GRID2: variants seen among roughly 807,000 people sequenced by gnomAD.
GRID2 encodes the protein glutamate ionotropic receptor delta type subunit 2.
A neutral mutation model predicts 114.8 loss-of-function variants in GRID2; 33 were observed. That is an observed-to-expected ratio of 0.29 (90% CI 0.22 to 0.38). The LOEUF is 0.38. Ranked by LOEUF, GRID2 falls within the 10% of genes least tolerant of loss-of-function variation. The probability of loss-of-function intolerance (pLI) is 1.00; values close to 1 mark genes in which losing one functional copy is unlikely to be tolerated. For synonymous variants in GRID2, 505 were observed against 449.9 expected (o/e 1.12, Z -1.55); for missense variants, 1,184 against 1,257.7 (o/e 0.94, Z 0.89).
intron 12 of GRID2, among the ~76,000 whole-genome samples, chr4:93,504,893 G>A (rs1427354813): frequency 6.6e-6 from 1 of 152,088 alleles, no homozygotes; most frequent in Non-Finnish European, 1.5e-5. Flanking sequence ...ATTTGACAAA[G>A]AGAAGGCTAA....
intron 2 of GRID2, among the ~76,000 whole-genome samples, chr4:92,789,437 T>C (rs1419731437): frequency 2.0e-5 from 3 of 151,888 alleles, no homozygotes; most frequent in East Asian, 3.9e-4. Flanking sequence ...TGGACACACG[T>C]TAGATTATCT....
chr4:93,578,527 C>T (rs988011828), intron 13 of GRID2, among the ~76,000 whole-genome samples: 2 of 150,652 alleles, frequency 1.3e-5, no homozygotes, highest in Non-Finnish European at 2.9e-5. Context: ...TTACAAAGCT[C>T]GGAAAGCTGA....
At chr4:92,533,590 A>G (rs1180329875) in intron 1 of GRID2, among the ~76,000 whole-genome samples, 2 of 152,108 alleles carry the variant, frequency 1.3e-5, no homozygotes, top group South Asian at 2.1e-4. Context: ...TATGAGAGAA[A>G]CACAATAACT....
intron 2 of GRID2, chr4:92,833,827 A>T (rs1377055596): frequency 6.6e-6 from 1 of 152,218 alleles, no homozygotes; most frequent in East Asian, 1.9e-4. Flanking sequence ...CCTGCATAGC[A>T]CTGAGCCTCC....
Position 92,941,479 on chromosome 4 carries a change from C to T in GRID2, c.245-143516C>T, listed in dbSNP as rs182355575. ...TGTCTTCTCTTCTTTATTAGTCTTG[C>T]TAGTGTTCTATCAATTTTGTTGATC... On this transcript the variant is annotated intron_variant, in intron 2 of 15. Transcript: ENST00000282020. Among the ~76,000 whole-genome samples the T allele has an allele frequency of 2.9e-3, 438 of 152,154 alleles. 1 individual carries two copies. Among genetic ancestry groups the T allele is most frequent in the Middle Eastern group, 0.014 (4 of 294 alleles).
intron 1 of GRID2, among the ~76,000 whole-genome samples, chr4:92,377,698 T>C: frequency 6.6e-6 from 1 of 152,080 alleles, no homozygotes; most frequent in African/African-American, 2.4e-5. Flanking sequence ...ACAATTATGG[T>C]GGAAGGCAAG....
chr4:92,563,887 A>G (rs946252772), intron 1 of GRID2, among the ~76,000 whole-genome samples: 12 of 152,006 alleles, frequency 7.9e-5, no homozygotes, highest in South Asian at 4.1e-4. Context: ...CACTCCATAC[A>G]TTATCTACTT....
intron 1 of GRID2, among the ~76,000 whole-genome samples, chr4:92,319,164 C>A (rs191798428): frequency 6.6e-6 from 1 of 152,222 alleles, no homozygotes; most frequent in East Asian, 1.9e-4. Flanking sequence ...CTTAGAGATA[C>A]TTACTCCTAA....
intron 1 of GRID2, among the ~76,000 whole-genome samples, chr4:92,342,896 A>G (rs974794208): frequency 1.3e-5 from 2 of 152,186 alleles, no homozygotes; most frequent in Admixed American, 6.5e-5. Context: ...TAGAAAGATA[A>G]GGATCTCGGT....
intron 2 of GRID2, among the ~76,000 whole-genome samples, chr4:92,695,410 T>C (rs528546348): frequency 2.6e-5 from 4 of 152,138 alleles, no homozygotes; most frequent in Non-Finnish European, 5.9e-5. Context: ...AATGATACCG[T>C]AAACCGTAAG....
chr4:93,264,782 A>G (rs1316248187), intron 8 of GRID2, among the ~76,000 whole-genome samples: 1 of 144,946 alleles, frequency 6.9e-6, no homozygotes, highest in Non-Finnish European at 1.5e-5. Context: ...ATAAATATAT[A>G]TAATATATAT....
At position 93,531,544 on chromosome 4, in the gene GRID2, G is replaced by A. The variant is rs145241433; in HGVS notation, c.2193+16133G>A. On this transcript the variant is annotated intron_variant, in intron 13 of 15. Transcript: ENST00000282020. ...ACAAAATGGGGAAGAAAAAAGGAAG[G>A]AAAAATAGATAAGATGAAAGGCATG... Among the ~76,000 whole-genome samples, 1,460 of 151,742 alleles carry A rather than the reference G, an allele frequency of 9.6e-3. 13 individuals are homozygous for A. The highest frequency in any genetic ancestry group is 0.016 in the Non-Finnish European group (1,077 of 67,970).
chr4:93,174,905 G>T (rs1217902347), intron 4 of GRID2, among the ~76,000 whole-genome samples: 2 of 152,252 alleles, frequency 1.3e-5, no homozygotes, highest in African/African-American at 4.8e-5. Flanking sequence ...GTTTGGGGCT[G>T]TTATGAATGA....
At position 93,734,285 on chromosome 4, in the gene GRID2, T is replaced by A. The variant is rs185252760; in HGVS notation, c.2361-34925T>A. 5.3e-3 allele frequency among the ~76,000 whole-genome samples: 802 copies of A among 152,140 alleles called. 8 individuals are homozygous for A. The highest frequency in any genetic ancestry group is 0.018 in the African/African-American group (759 of 41,548). ...CCCATCATTCCTAATTCTCACTCTC[T>A]CCTTTTCCTTAGAATAAGTAGTCAT... On this transcript the variant is annotated intron_variant, in intron 14 of 15. Transcript: ENST00000282020.
intron 4 of GRID2, among the ~76,000 whole-genome samples, chr4:93,185,417 G>C (rs776094711): frequency 2.6e-5 from 4 of 152,006 alleles, no homozygotes; most frequent in Non-Finnish European, 4.4e-5. Flanking sequence ...ATTCTGTATG[G>C]GATATCACAG....
intron 12 of GRID2, among the ~76,000 whole-genome samples, chr4:93,509,164 G>A (rs771667144): frequency 5.3e-4 from 80 of 152,200 alleles, no homozygotes; most frequent in Non-Finnish European, 9.7e-4. Context: ...CAGTTTAGCT[G>A]TGCTAAAGAA....
At chr4:92,851,423 T>G (rs897744160) in intron 2 of GRID2, among the ~76,000 whole-genome samples, 15 of 151,972 alleles carry the variant, frequency 9.9e-5, no homozygotes, top group African/African-American at 3.6e-4. Flanking sequence ...GGGTTCAGTT[T>G]ATATTTCATT....
chr4:93,276,606 T>G (rs1388218322), intron 8 of GRID2, among the ~76,000 whole-genome samples: 1 of 152,024 alleles, frequency 6.6e-6, no homozygotes, highest in African/African-American at 2.4e-5. Flanking sequence ...CTTTCAAAAA[T>G]ATTTTGTAGT....
At chr4:93,514,422 T>TACACACACACACAC (rs56718347) in intron 12 of GRID2, among the ~76,000 whole-genome samples, 56 of 139,752 alleles carry the variant, frequency 4.0e-4, no homozygotes, top group African/African-American at 9.3e-4. Context: ...ACCTCCACAG[T>TACACACACACACAC]ACACACACAC....
Sources: gnomAD v4.1 joint callset for allele counts (sites outside exome capture counted in the v4.1 genomes callset) on GRCh38, gnomAD v4.1.1 for gene constraint, MANE v1.5 for transcripts, NCBI Gene and HGNC (gene_info 2026-07-23, HGNC 2026-07-21) for gene names.